The following ZFP36L1 variants were observed in gnomAD, a reference collection of about 807,000 sequenced individuals.
ZFP36L1 encodes the protein mRNA decay activator protein ZFP36L1.
Under a neutral mutation model 16.7 loss-of-function variants are expected in ZFP36L1, and 4 were observed. The observed-to-expected ratio is 0.24, with a 90% confidence interval of 0.12 to 0.55. The LOEUF (loss-of-function observed/expected upper bound fraction) is 0.55. Ranked by LOEUF, ZFP36L1 falls within the 20% of genes least tolerant of loss-of-function variation. ZFP36L1 has a pLI of 0.94. For missense variants in ZFP36L1, 311 were observed against 449.2 expected, an observed-to-expected ratio of 0.69 and a Z score of 2.78; for synonymous variants, 220 against 190.8, an observed-to-expected ratio of 1.15 and a Z score of -1.26.
Position 68,789,823 on chromosome 14 carries a change from G to C in ZFP36L1, c.727C>G (p.Leu243Val). 1 of 1,612,362 alleles carries C rather than the reference G, an allele frequency of 6.2e-7. No homozygotes were observed. The highest frequency in any genetic ancestry group is 8.5e-7 in the Non-Finnish European group (1 of 1,180,010). Residue 243 changes from leucine to valine, a missense_variant, in exon 2 of 2, where the codon CTG (leucine) becomes GTG (valine). Leu to Val is a conservative substitution (Grantham distance 32). Coordinates refer to ENST00000439696, the MANE Select transcript of ZFP36L1 (RefSeq NM_004926.4). The surrounding 1 kb of genome is among the most constrained non-coding windows in gnomAD (Gnocchi z 4.5). ...SADDLLGSPT[L>V]PDGTNNPFAF... is the part of the protein sequence containing the mutation. ...AAAGGGTTATTGGTGCCATCGGGCA[G>C]GGTAGGTGAGCCCAGGAGGTCATCG... is the stretch of plus-strand genomic sequence containing the variant.
rs1894949827 is a variant in ZFP36L1 at position 68,787,708 on chromosome 14, GT to G, written c.*1824del. The G allele has an allele frequency of 6.7e-6, 1 of 148,834 alleles. No homozygotes were observed. The allele number at this position is 148,834 out of a possible 1,614,324, so 9.2% of individuals were successfully genotyped here. The stretch of plus-strand genomic sequence containing the variant: ...ATTGATTTTTAAACTGCAAATAGTC[GT>G]TACAAAAAGTTTTTTTTTCTTTTAA... On this transcript the variant is annotated 3_prime_UTR_variant, in exon 2 of 2. Coordinates refer to ENST00000439696, the MANE Select transcript of ZFP36L1 (RefSeq NM_004926.4).
In ZFP36L1 at chr14:68,792,876, C is replaced by T. The variant is rs752368458; in HGVS notation, c.57+6G>A. On this transcript the variant is annotated splice_donor_region_variant and intron_variant, in intron 1 of 1. Coordinates refer to ENST00000439696, the MANE Select transcript of ZFP36L1 (RefSeq NM_004926.4). The stretch of plus-strand genomic sequence containing the variant: ...TTTGAAAAGCAAATGCTCCGCCCCC[C>T]TTTACCTTGCATAAAACTTCGCTCA... The T allele has an allele frequency of 1.9e-6, 3 of 1,614,016 alleles. No homozygotes were observed. Among genetic ancestry groups the T allele is most frequent in the African/African-American group, 1.3e-5 (1 of 74,936 alleles).
chr14:68,792,774 C>T (rs558384317), intron 1 of ZFP36L1, 108 bp downstream of exon 1: 10 of 1,460,288 alleles, frequency 6.8e-6, no homozygotes, highest in Middle Eastern at 2.0e-4. Context: ...AGAATCATCT[C>T]GCTGCACCAC....
At chr14:68,792,624 G>A (rs755389895) in intron 1 of ZFP36L1, among the ~76,000 whole-genome samples, 3 of 152,110 alleles carry the variant, frequency 2.0e-5, no homozygotes, top group Non-Finnish European at 4.4e-5. Flanking sequence ...CCCCCGGGCT[G>A]CCCTGCCAGG....
chr14:68,792,072 G>C (rs780980580), intron 1 of ZFP36L1, among the ~76,000 whole-genome samples: 1 of 152,252 alleles, frequency 6.6e-6, no homozygotes, highest in African/African-American at 2.4e-5. Flanking sequence ...AACATTCCGA[G>C]TTTAAAACTT....
At chr14:68,795,001 C>T (rs1895210374), upstream of ZFP36L1, among the ~76,000 whole-genome samples, 1 of 152,218 alleles carries the variant, frequency 6.6e-6, no homozygotes, top group African/African-American at 2.4e-5. Context: ...TGCTTCCCTC[C>T]CCCGCTCCCA....
upstream of ZFP36L1, among the ~76,000 whole-genome samples, chr14:68,794,979 C>G (rs1027602404): frequency 6.6e-6 from 1 of 152,204 alleles, no homozygotes; most frequent in African/African-American, 2.4e-5. Flanking sequence ...CTGCTGCCCT[C>G]CAGCCGTCTG....
chr14:68,790,209 C>T lies in ZFP36L1; in HGVS notation c.341G>A (p.Arg114His). ...QPGGGQVNSS[R>H]YKTELCRPFE... is the part of the protein sequence containing the mutation. ...GGGGCGGCACAGCTCCGTCTTGTAG[C>T]GGCTGGAGTTGACCTGGCCGCCCCC... The change falls in exon 2 of 2, where the codon CGC (arginine) becomes CAC (histidine). Residue 114 changes from arginine to histidine, a missense_variant. Coordinates refer to ENST00000439696, the MANE Select transcript of ZFP36L1 (RefSeq NM_004926.4). The T allele has an allele frequency of 6.2e-7, 1 of 1,613,338 alleles. No homozygotes were observed. The highest frequency in any genetic ancestry group is 8.5e-7 in the Non-Finnish European group (1 of 1,179,814).
chr14:68,793,760 G>C, upstream of ZFP36L1: 4 of 985,270 alleles, frequency 4.1e-6, no homozygotes, highest in Non-Finnish European at 4.8e-6. Flanking sequence ...TTATGTTGCT[G>C]TTTTTTTTCC....
At chr14:68,795,217 G>C (rs1895215968), upstream of ZFP36L1, among the ~76,000 whole-genome samples, 1 of 152,220 alleles carries the variant, frequency 6.6e-6, no homozygotes, top group African/African-American at 2.4e-5. Context: ...GGACAGAGCA[G>C]AGTGCGCGTT....
At chr14:68,796,239 A>G (rs1895253825), upstream of ZFP36L1, 1 of 1,366,738 alleles carries the variant, frequency 7.3e-7, no homozygotes, top group Non-Finnish European at 9.8e-7. Context: ...GTTTTGTGCA[A>G]GGGGGAAAGT....
chr14:68,790,016 G>A lies in ZFP36L1; in HGVS notation c.534C>T (p.Asn178=), dbSNP rs1895025379. The stretch of plus-strand genomic sequence containing the variant: ...CGGCCAGGGCACGGCGCTCTTCAGC[G>A]TTGTGGATGAAGTGGCAGCGGGGCC... ...PYGPRCHFIH[N]AEERRALAGA... Residue 178 remains asparagine, a synonymous_variant, in exon 2 of 2, where the codon AAC becomes AAT. Transcript: ENST00000439696. 6.2e-7 allele frequency: 1 copy of A among 1,609,590 alleles called. No homozygotes were observed. Among genetic ancestry groups the A allele is most frequent in the Non-Finnish European group, 8.5e-7 (1 of 1,178,518 alleles).
chr14:68,791,538 C>A (rs1356478392), intron 1 of ZFP36L1, among the ~76,000 whole-genome samples: 1 of 151,718 alleles, frequency 6.6e-6, no homozygotes, highest in Non-Finnish European at 1.5e-5. Flanking sequence ...AATGTTGGTC[C>A]CTTAGGATCA....
chr14:68,793,189 G>C, upstream of ZFP36L1: 1 of 1,109,436 alleles, frequency 9.0e-7, no homozygotes, highest in South Asian at 1.9e-5. Context: ...CACTGGAGTT[G>C]AATCAGCCAT....
At chr14:68,791,000 A>G in intron 1 of ZFP36L1, 3 of 700,484 alleles carry the variant, frequency 4.3e-6, no homozygotes, top group Non-Finnish European at 2.6e-6. Context: ...AAGACTCTCA[A>G]CTTCCTCCTT....
intron 1 of ZFP36L1, among the ~76,000 whole-genome samples, chr14:68,791,883 G>A (rs969460947): frequency 6.6e-6 from 1 of 152,212 alleles, no homozygotes; most frequent in Admixed American, 6.5e-5. Flanking sequence ...TGCACCAACA[G>A]GAGCAGCAAG....
intron 1 of ZFP36L1, chr14:68,791,211 C>A: frequency 1.7e-6 from 1 of 581,916 alleles, no homozygotes; most frequent in East Asian, 3.0e-5. Flanking sequence ...TAGCCCACCC[C>A]GCCCCCTTCA....
chr14:68,791,749 G>C (rs1895076216), intron 1 of ZFP36L1, among the ~76,000 whole-genome samples: 1 of 152,148 alleles, frequency 6.6e-6, no homozygotes, highest in African/African-American at 2.4e-5. Flanking sequence ...AGCCGGGCTG[G>C]CAAGTGGAGT....
upstream of ZFP36L1, chr14:68,796,152 G>C (rs778889335): frequency 7.3e-7 from 1 of 1,366,432 alleles, no homozygotes; most frequent in Non-Finnish European, 9.8e-7. Context: ...CTCCCCATTC[G>C]CCTGGAGCGC....
Sources: allele counts gnomAD v4.1 joint callset (sites outside exome capture counted in the v4.1 genomes callset), GRCh38; gene constraint gnomAD v4.1.1; non-coding constraint Gnocchi (gnomAD v3.1); transcripts MANE v1.5; gene names NCBI Gene and HGNC (gene_info 2026-07-23, HGNC 2026-07-21).